Variants in MAX observed in about 807,000 individuals in gnomAD.
MAX encodes the protein protein max.
A neutral mutation model predicts 22.3 loss-of-function variants in MAX; 3 were observed. That is an observed-to-expected ratio of 0.13 (90% CI 0.06 to 0.35). MAX has a LOEUF of 0.35. MAX is among the 10% of genes least tolerant of loss of function. The probability of loss-of-function intolerance (pLI) is 1.00; values close to 1 mark genes in which losing one functional copy is unlikely to be tolerated. For synonymous variants in MAX, 72 were observed against 77.7 expected, an observed-to-expected ratio of 0.93 and a Z score of 0.39; for missense variants, 119 against 209.4, an observed-to-expected ratio of 0.57 and a Z score of 2.66.
intron 3 of MAX, among the ~76,000 whole-genome samples, chr14:65,037,845 G>T (rs1313571393): frequency 6.7e-6 from 1 of 150,158 alleles, no homozygotes; most frequent in African/African-American, 2.5e-5. Context: ...CGGTGGTGCA[G>T]ACCAGCTCAC....
At chr14:65,037,400 GC>G (rs776118402) in intron 3 of MAX, among the ~76,000 whole-genome samples, 43,817 of 50,982 alleles carry the variant, frequency 0.86, 21,262 homozygotes, top group Middle Eastern at 0.9. Context: ...ACCACGCCGG[GC>G]CCTTTTTTTT....
Position 65,031,978 on chromosome 14 carries a change from A to ATG in MAX, c.172-25695_172-25694insCA, listed in dbSNP as rs2062093881. 9.0e-6 allele frequency among the ~76,000 whole-genome samples: 1 copy of ATG among 111,552 alleles called. No individual in the cohort carries two copies. 73.2% of individuals were successfully genotyped at this position (111,552 alleles called of 152,430 possible). On this transcript the variant is annotated intron_variant, in intron 3 of 3. Transcript: ENST00000341653. The surrounding 1 kb of genome is among the most constrained non-coding windows in gnomAD (Gnocchi z 4.6). ...TATAGACGTGCGCCTTTTTCATTTAACGTGTGTGTGTGTGTGTGTGTGTGT... is the reference window on the plus strand; with the variant it reads ...TATAGACGTGCGCCTTTTTCATTTAATGCGTGTGTGTGTGTGTGTGTGTGTGT...
chr14:65,037,403 C>CTTTTTTTT lies in MAX; in HGVS notation c.172-31127_172-31120dup, dbSNP rs1555335876. On this transcript the variant is annotated intron_variant, in intron 3 of 3. Coordinates refer to the MAX transcript ENST00000341653. ...TAGGCGTGAGCCACCACGCCGGGCC[C>CTTTTTTTT]TTTTTTTTTTTTTTTTTTTTTTTTT... 3.5e-3 allele frequency among the ~76,000 whole-genome samples: 103 copies of CTTTTTTTT among 29,676 alleles called. 22 individuals carry two copies. The highest frequency in any genetic ancestry group is 9.3e-3 in the Admixed American group (22 of 2,374). 19.5% of individuals were successfully genotyped at this position (29,676 alleles called of 152,430 possible). A position where few individuals can be genotyped will look rare whatever the true frequency, so the allele number is the denominator to read the frequency against.
downstream of MAX, chr14:65,006,113 G>A (rs2061582882): frequency 1.3e-6 from 2 of 1,592,650 alleles, no homozygotes; most frequent in African/African-American, 2.7e-5. Context: ...TCTGCTTACT[G>A]GAACATTATA....
rs535674913 is a variant in MAX at position 65,011,094 on chromosome 14, T to C, written c.172-4810A>G. Among the ~76,000 whole-genome samples, 11 of 152,332 alleles carry C rather than the reference T, an allele frequency of 7.2e-5. 1 individual carries two copies. The highest frequency in any genetic ancestry group is 2.4e-4 in the African/African-American group (10 of 41,582). ...CATTCTTTCCTTGTAGCCATTGATATACTTACCTCATTTCTGAATTGGAAG... is the reference window on the plus strand; with the variant it reads ...CATTCTTTCCTTGTAGCCATTGATACACTTACCTCATTTCTGAATTGGAAG... On this transcript the variant is annotated intron_variant, in intron 3 of 3. Transcript: ENST00000341653. This position sits in a 1 kb window ranked among gnomAD's most constrained non-coding sequence, Gnocchi z 4.0.
intron 3 of MAX, among the ~76,000 whole-genome samples, chr14:65,091,193 C>G (rs1417495739): frequency 1.3e-5 from 2 of 151,968 alleles, no homozygotes; most frequent in Non-Finnish European, 2.9e-5. Flanking sequence ...AGCCTATTTC[C>G]TTTAGTTCAA....
chr14:65,026,204 C>G (rs1210786715), intron 3 of MAX, among the ~76,000 whole-genome samples: 9 of 152,162 alleles, frequency 5.9e-5, no homozygotes, highest in African/African-American at 2.2e-4. Flanking sequence ...AAGGCTGTGA[C>G]CCTGCTGAGC....
In MAX at chr14:65,075,314, GA is replaced by G; in HGVS notation, c.*1161del. The G allele has an allele frequency of 9.4e-7, 1 of 1,062,362 alleles. No homozygotes were observed. Among genetic ancestry groups the G allele is most frequent in the East Asian group, 5.1e-5 (1 of 19,706 alleles). The allele number at this position is 1,062,362 out of a possible 1,614,324, so 65.8% of individuals were successfully genotyped here. On this transcript the variant is annotated 3_prime_UTR_variant, in exon 5 of 5. Transcript: ENST00000358664. This position sits in a 1 kb window ranked among gnomAD's most constrained non-coding sequence, Gnocchi z 4.1. The stretch of plus-strand genomic sequence containing the variant: ...AGGAACGGAGTAGGAAAAAGACAAA[GA>G]AATGAGGCCTAAACACACAAAACCC...
At chr14:65,015,410 CTTT>C (rs888923691) in intron 3 of MAX, 2,802 of 155,092 alleles carry the variant, frequency 0.018, no homozygotes, top group East Asian at 0.043. Context: ...GCCTTGTTAT[CTTT>C]TTTTTTTTTT....
intron 3 of MAX, among the ~76,000 whole-genome samples, chr14:65,049,543 G>A (rs1166685523): frequency 1.3e-5 from 2 of 152,180 alleles, no homozygotes; most frequent in East Asian, 3.8e-4. Context: ...AGGATATCTG[G>A]AAGCTCCTTG....
At chr14:65,061,531 C>CT in intron 3 of MAX, 2 of 687,958 alleles carry the variant, frequency 2.9e-6, no homozygotes, top group Non-Finnish European at 4.5e-6. Context: ...AACCAAAAAT[C>CT]TATCAGCCCA....
intron 2 of MAX, 42 bp downstream of exon 2, chr14:65,101,504 A>G: frequency 6.4e-7 from 1 of 1,569,244 alleles, no homozygotes; most frequent in Middle Eastern, 1.7e-4. Context: ...AAGGAATAGA[A>G]CTGAACGGAA....
chr14:65,018,113 CAG>C (rs1242977272), intron 3 of MAX, among the ~76,000 whole-genome samples: 1 of 152,018 alleles, frequency 6.6e-6, no homozygotes, highest in Non-Finnish European at 1.5e-5. Context: ...AGGCCACGGT[CAG>C]AGGACCACTG....
At chr14:65,081,070 C>T (rs2063186954) in intron 3 of MAX, among the ~76,000 whole-genome samples, 1 of 152,184 alleles carries the variant, frequency 6.6e-6, no homozygotes, top group Non-Finnish European at 1.5e-5. Context: ...GTCTTGGGAA[C>T]AACAGGAGTC....
rs960100253 is a variant in MAX at position 65,084,063 on chromosome 14, C to T, written c.172-6027G>A. 4 of 1,595,858 alleles carry T rather than the reference C, an allele frequency of 2.5e-6. No homozygotes were observed. In the African/African-American group the frequency reaches 4.0e-5, roughly 16 times the overall value. On this transcript the variant is annotated intron_variant, in intron 3 of 4. Transcript: ENST00000358664. The surrounding 1 kb of genome is among the most constrained non-coding windows in gnomAD (Gnocchi z 4.3). ...TGAAGGCTTCCTGCTGCCAGGGCCT[C>T]CCCAGCCACAGGACCATTTTGCTGA...
At chr14:65,067,184 TA>T (rs111423249) in intron 3 of MAX, among the ~76,000 whole-genome samples, 6,731 of 133,220 alleles carry the variant, frequency 0.051, 359 homozygotes, top group African/African-American at 0.14. Context: ...GACCCTGTCT[TA>T]AAAAAAAAAA....
Position 65,044,222 on chromosome 14 carries a change from C to G in MAX, c.172-37938G>C, listed in dbSNP as rs1595082167. On this transcript the variant is annotated intron_variant, in intron 3 of 3. Transcript: ENST00000341653. This position sits in a 1 kb window ranked among gnomAD's most constrained non-coding sequence, Gnocchi z 5.5. ...AGAAGCCACAAGATGGGAAACCCTCCATCCCACAGATTGACTCCTGGAGAT... is the reference window on the plus strand; with the variant it reads ...AGAAGCCACAAGATGGGAAACCCTCGATCCCACAGATTGACTCCTGGAGAT... 1.3e-6 allele frequency: 2 copies of G among 1,594,692 alleles called. No homozygotes were observed. The highest frequency in any genetic ancestry group is 4.5e-5 in the East Asian group (2 of 44,534).
intron 3 of MAX, among the ~76,000 whole-genome samples, chr14:65,059,323 G>A (rs549676181): frequency 3.3e-5 from 5 of 150,838 alleles, no homozygotes; most frequent in Non-Finnish European, 7.4e-5. Context: ...CCTGGCCCCC[G>A]CACTAGCCCC....
chr14:65,050,091 G>A (rs905182663), intron 3 of MAX, among the ~76,000 whole-genome samples: 1 of 152,256 alleles, frequency 6.6e-6, no homozygotes, highest in Admixed American at 6.5e-5. Flanking sequence ...ATGTAGACAA[G>A]GGGCAAGTAT....
Sources: gnomAD v4.1 joint callset for allele counts (sites outside exome capture counted in the v4.1 genomes callset) on GRCh38, gnomAD v4.1.1 for gene constraint, Gnocchi (gnomAD v3.1) non-coding constraint, MANE v1.5 for transcripts, NCBI Gene and HGNC (gene_info 2026-07-23, HGNC 2026-07-21) for gene names.